Variants in PDZRN3 observed in about 807,000 individuals in gnomAD.
PDZRN3 encodes PDZ domain containing ring finger 3, also known as E3 ubiquitin-protein ligase PDZRN3.
In PDZRN3, 38 loss-of-function variants were observed where a neutral mutation model predicts 85.7. The observed-to-expected ratio is 0.44, with a 90% CI of 0.34 to 0.58. The LOEUF (loss-of-function observed/expected upper bound fraction) is 0.58. PDZRN3 is among the 20% of genes least tolerant of loss of function. The probability of loss-of-function intolerance (pLI) is 0.01; values close to 1 mark genes in which losing one functional copy is unlikely to be tolerated. For missense variants in PDZRN3, 1,629 were observed against 1,506.4 expected (o/e 1.08, Z -1.35); for synonymous variants, 759 against 638.0 (o/e 1.19, Z -2.86).
Position 73,624,195 on chromosome 3 carries a change from T to C in PDZRN3, c.631A>G (p.Met211Val). 6.7e-7 allele frequency: 1 copy of C among 1,497,440 alleles called. No individual in the cohort carries two copies. The highest frequency in any genetic ancestry group is 8.9e-7 in the Non-Finnish European group (1 of 1,129,036). 92.8% of individuals were successfully genotyped at this position (1,497,440 alleles called of 1,614,324 possible). ...QLAAAQLELQ[M>V]TALRYQKKFT... is the part of the protein sequence containing the mutation. The stretch of plus-strand genomic sequence containing the variant: ...TTCTTCTGGTAGCGCAGCGCGGTCA[T>C]CTGCAGCTCAAGCTGCGCCGCGGCC... Residue 211 changes from methionine to valine, a missense_variant, in exon 1 of 10, where the codon ATG (methionine) becomes GTG (valine). Met to Val is a conservative substitution (Grantham distance 21). Coordinates refer to ENST00000263666, the MANE Select transcript of PDZRN3 (RefSeq NM_015009.3).
Position 73,491,121 on chromosome 3 carries a change from G to A in PDZRN3, c.919-86726C>T, listed in dbSNP as rs554465591. Among the ~76,000 whole-genome samples the A allele has an allele frequency of 8.5e-5, 13 of 152,362 alleles. No individual in the cohort carries two copies. The South Asian group carries it at 2.1e-3, about 24-fold the overall frequency. On this transcript the variant is annotated intron_variant, in intron 3 of 9. Transcript: ENST00000263666. ...GACCCTCTGGCCTCCTGGCAGGCAGGCTGCATAAGCCCTTGTACCACGCAA... is the reference window on the plus strand; with the variant it reads ...GACCCTCTGGCCTCCTGGCAGGCAGACTGCATAAGCCCTTGTACCACGCAA...
intron 3 of PDZRN3, among the ~76,000 whole-genome samples, chr3:73,453,437 C>G (rs149730934): frequency 0.035 from 3,874 of 109,644 alleles, 187 homozygotes; most frequent in African/African-American, 0.12. Context: ...AAAAAAAAAA[C>G]AAAGAAAGAA....
intron 3 of PDZRN3, among the ~76,000 whole-genome samples, chr3:73,581,638 T>C (rs1702203205): frequency 6.6e-6 from 1 of 152,176 alleles, no homozygotes; most frequent in Non-Finnish European, 1.5e-5. Flanking sequence ...TCAATGGAAC[T>C]GTCACTGAAT....
chr3:73,474,692 G>A, intron 3 of PDZRN3: 1 of 969,596 alleles, frequency 1.0e-6, no homozygotes, highest in African/African-American at 1.7e-5. Flanking sequence ...CTGAACAAAA[G>A]AGGAGCAGCA....
intron 7 of PDZRN3, among the ~76,000 whole-genome samples, 187 bp downstream of exon 7, chr3:73,389,629 T>C (rs1334813267): frequency 6.6e-6 from 1 of 152,156 alleles, no homozygotes; most frequent in Non-Finnish European, 1.5e-5. Context: ...CACCACTCCC[T>C]CTTGCGTCTT....
intron 3 of PDZRN3, among the ~76,000 whole-genome samples, chr3:73,554,641 A>G (rs1375905414): frequency 6.6e-6 from 1 of 152,342 alleles, no homozygotes; most frequent in East Asian, 1.9e-4. Flanking sequence ...CCATATCCCA[A>G]CTTAGAAAGG....
chr3:73,551,283 A>C lies in PDZRN3; in HGVS notation c.918+51071T>G, dbSNP rs189257272. 6.4e-4 allele frequency among the ~76,000 whole-genome samples: 98 copies of C among 152,362 alleles called. 1 individual carries two copies. Among genetic ancestry groups the C allele is most frequent in the African/African-American group, 2.2e-3 (93 of 41,584 alleles). On this transcript the variant is annotated intron_variant, in intron 3 of 9. Transcript: ENST00000263666. ...GAGCTTTGAAATACTTTGGTATAGA[A>C]AGAAGAAAAGGAGGGAACCAAGAAA... is the stretch of plus-strand genomic sequence containing the variant.
intron 3 of PDZRN3, among the ~76,000 whole-genome samples, chr3:73,547,537 C>A (rs12496732): frequency 6.6e-6 from 1 of 152,234 alleles, no homozygotes; most frequent in Non-Finnish European, 1.5e-5. Context: ...AGGAGCTCCT[C>A]CTCGAGGTTC....
chr3:73,505,194 G>A (rs1343740256), intron 3 of PDZRN3, among the ~76,000 whole-genome samples: 2 of 152,160 alleles, frequency 1.3e-5, no homozygotes, highest in Admixed American at 6.5e-5. Flanking sequence ...TTTTATACAC[G>A]ATGACATTTT....
chr3:73,608,190 AG>A (rs1702631038), intron 2 of PDZRN3, among the ~76,000 whole-genome samples: 1 of 152,198 alleles, frequency 6.6e-6, no homozygotes, highest in Admixed American at 6.5e-5. Context: ...ACTAATGAAC[AG>A]CTGACAGAGC....
intron 2 of PDZRN3, among the ~76,000 whole-genome samples, chr3:73,606,961 C>T (rs1250997443): frequency 1.3e-5 from 2 of 152,152 alleles, no homozygotes; most frequent in East Asian, 1.9e-4. Flanking sequence ...AGACTTAGGC[C>T]CTTTGGGGTC....
At chr3:73,443,498 T>TTTGGGG (rs57581231) in intron 3 of PDZRN3, among the ~76,000 whole-genome samples, 19 of 129,044 alleles carry the variant, frequency 1.5e-4, no homozygotes, top group African/African-American at 2.8e-4. Flanking sequence ...TTTTTTTTTT[T>TTTGGGG]GGGGGGGGGA....
chr3:73,565,328 C>T (rs1367419272), intron 3 of PDZRN3, among the ~76,000 whole-genome samples: 1 of 151,916 alleles, frequency 6.6e-6, no homozygotes, highest in Admixed American at 6.6e-5. Flanking sequence ...CGGGGTTTCA[C>T]TATTTTGGCC....
At chr3:73,405,217 T>C (rs1036783485) in intron 3 of PDZRN3, among the ~76,000 whole-genome samples, 1 of 152,190 alleles carries the variant, frequency 6.6e-6, no homozygotes, top group Non-Finnish European at 1.5e-5. Flanking sequence ...TTGGACGCGG[T>C]GTCCAGGATT....
intron 3 of PDZRN3, among the ~76,000 whole-genome samples, chr3:73,405,142 C>T (rs1275304770): frequency 2.0e-5 from 3 of 152,202 alleles, no homozygotes; most frequent in Admixed American, 2.0e-4. Context: ...AAAGTAAGAT[C>T]ATCTCCCTCC....
chr3:73,409,846 ACT>A (rs1460510436), intron 3 of PDZRN3, among the ~76,000 whole-genome samples: 1 of 152,136 alleles, frequency 6.6e-6, no homozygotes, highest in African/African-American at 2.4e-5. Context: ...GGCATACTAT[ACT>A]CTCTCCAAAT....
chr3:73,434,032 GC>G, intron 3 of PDZRN3: 1 of 890,128 alleles, frequency 1.1e-6, no homozygotes. Flanking sequence ...ATATACTGCT[GC>G]TCATGCATAT....
At chr3:73,606,089 C>G (rs533306589) in intron 2 of PDZRN3, among the ~76,000 whole-genome samples, 1 of 152,212 alleles carries the variant, frequency 6.6e-6, no homozygotes, top group Non-Finnish European at 1.5e-5. Context: ...CACTTGGCCA[C>G]AGGCCTCTCC....
At chr3:73,567,837 C>G (rs1575742416) in intron 3 of PDZRN3, among the ~76,000 whole-genome samples, 1 of 152,120 alleles carries the variant, frequency 6.6e-6, no homozygotes, top group Admixed American at 6.5e-5. Flanking sequence ...CCTAGGGCAA[C>G]AGAAATACAA....
Sources: allele counts gnomAD v4.1 joint callset (sites outside exome capture counted in the v4.1 genomes callset), GRCh38; gene constraint gnomAD v4.1.1; transcripts MANE v1.5; gene names NCBI Gene and HGNC (gene_info 2026-07-23, HGNC 2026-07-21).